The following NGF variants were observed in gnomAD, a reference collection of about 807,000 sequenced individuals.
NGF encodes nerve growth factor.
In NGF, 4 loss-of-function variants were observed where a neutral mutation model predicts 12.8. That is an observed-to-expected ratio of 0.31 (90% CI 0.15 to 0.72). NGF has a LOEUF of 0.72. NGF is among the 30% of genes least tolerant of loss of function. NGF has a pLI of 0.69. For missense variants in NGF, 283 were observed against 330.8 expected, an observed-to-expected ratio of 0.86 and a Z score of 1.12; for synonymous variants, 140 against 130.0, an observed-to-expected ratio of 1.08 and a Z score of -0.52.
intron 1 of NGF, among the ~76,000 whole-genome samples, chr1:115,299,743 T>G (rs760610747): frequency 6.6e-6 from 1 of 152,174 alleles, no homozygotes; most frequent in Non-Finnish European, 1.5e-5. Context: ...TTTTCAAACT[T>G]TTCTGAGACC....
intron 2 of NGF, among the ~76,000 whole-genome samples, chr1:115,291,174 GT>G (rs1292506638): frequency 4.6e-5 from 7 of 151,836 alleles, no homozygotes; most frequent in African/African-American, 9.7e-5. Flanking sequence ...TAGGTTTAAA[GT>G]TTTTTTAAAA....
rs2300692 is a variant in NGF, at chr1:115,292,181, C to T, written c.-13+1446G>A. Among the ~76,000 whole-genome samples, 1,261 of 152,176 alleles carry T rather than the reference C, an allele frequency of 8.3e-3. 119 individuals carry two copies. The East Asian group carries it at 0.19, about 23-fold the overall frequency. On this transcript the variant is annotated intron_variant, in intron 2 of 2. Transcript: ENST00000369512. ...GGAGTGTGGGAGGAATTCTGTGGCT[C>T]CTCATTTCTCCAGCAAGGTACTTCA...
rs761319558 is a variant in NGF, at chr1:115,286,741, C to T, written c.55G>A (p.Glu19Lys). 3.1e-6 allele frequency: 5 copies of T among 1,614,030 alleles called. No homozygotes were observed. In the East Asian group the frequency reaches 1.1e-4, roughly 36 times the overall value. Residue 19 changes from glutamate to lysine, a missense_variant, in exon 3 of 3, where the codon GAA (glutamate) becomes AAA (lysine). Physicochemically the swap from Glu to Lys is moderately conservative, Grantham distance 56. This residue lies in a region of NGF where 151 missense variants were observed against 141.6 expected (regional missense o/e 1.07). Coordinates refer to ENST00000369512, the MANE Select transcript of NGF (RefSeq NM_002506.3). ...ITAFLIGIQA[E>K]PHSESNVPAG... ...GGGACATTGCTCTCTGAGTGTGGTTCCGCCTGTATGCCGATCAGAAAAGCT... is the reference window on the plus strand; with the variant it reads ...GGGACATTGCTCTCTGAGTGTGGTTTCGCCTGTATGCCGATCAGAAAAGCT...
At chr1:115,300,607 C>T (rs1417407906) in intron 1 of NGF, among the ~76,000 whole-genome samples, 1 of 152,234 alleles carries the variant, frequency 6.6e-6, no homozygotes, top group Non-Finnish European at 1.5e-5. Flanking sequence ...GCTGCCATCG[C>T]GTCTTGAGCT....
chr1:115,333,253 C>T (rs769947773), intron 1 of NGF, among the ~76,000 whole-genome samples: 4 of 152,262 alleles, frequency 2.6e-5, no homozygotes, highest in African/African-American at 2.4e-5. Flanking sequence ...ACAAATACTT[C>T]GTGGTTATTG....
At chr1:115,320,840 C>A (rs900229883) in intron 1 of NGF, among the ~76,000 whole-genome samples, 2 of 152,184 alleles carry the variant, frequency 1.3e-5, no homozygotes, top group Admixed American at 6.5e-5. Context: ...GCATCTGCTA[C>A]TTTCTGCTGT....
In NGF at chr1:115,296,523, A is replaced by G. The variant is rs79080872; in HGVS notation, c.-136-2773T>C. ...GGGTGTCTACTATAAGCCAACCACA[A>G]TAGATTCCCTGGCTCTGTATCTGCA... On this transcript the variant is annotated intron_variant, in intron 1 of 2. Coordinates refer to ENST00000369512, the MANE Select transcript of NGF (RefSeq NM_002506.3). 4.4e-3 allele frequency among the ~76,000 whole-genome samples: 668 copies of G among 152,338 alleles called. 2 individuals carry two copies. The highest frequency in any genetic ancestry group is 8.1e-3 in the Non-Finnish European group (550 of 68,036).
chr1:115,302,642 C>G (rs1654073468), intron 1 of NGF, among the ~76,000 whole-genome samples: 1 of 152,238 alleles, frequency 6.6e-6, no homozygotes, highest in East Asian at 1.9e-4. Flanking sequence ...AGGCCTCTGT[C>G]TGTAAAGGAA....
At chr1:115,317,767 T>C (rs910542765) in intron 1 of NGF, among the ~76,000 whole-genome samples, 1 of 152,242 alleles carries the variant, frequency 6.6e-6, no homozygotes, top group Non-Finnish European at 1.5e-5. Flanking sequence ...TTGAAATGCA[T>C]CCCTGCCGCT....
intron 1 of NGF, among the ~76,000 whole-genome samples, chr1:115,304,329 A>ATGTTTTTTTTTTTTTTTT (rs1654135883): frequency 1.2e-5 from 1 of 80,830 alleles, no homozygotes; most frequent in African/African-American, 4.2e-5. Context: ...TGCTTGGCTA[A>ATGTTTTTTTTTTTTTTTT]TTTTTTTTTT....
At chr1:115,303,941 C>T (rs1320100993) in intron 1 of NGF, among the ~76,000 whole-genome samples, 1 of 152,158 alleles carries the variant, frequency 6.6e-6, no homozygotes, top group Admixed American at 6.5e-5. Context: ...ATCAATATTC[C>T]TGATTCCCCA....
chr1:115,333,067 T>C (rs932184297), intron 1 of NGF, among the ~76,000 whole-genome samples: 6 of 152,120 alleles, frequency 3.9e-5, no homozygotes, highest in Non-Finnish European at 8.8e-5. Flanking sequence ...GATGAAGAAC[T>C]GAAGTCAGGA....
rs538947132 is a variant in NGF, at chr1:115,304,309, C to T, written c.-136-10559G>A. The stretch of plus-strand genomic sequence containing the variant: ...TCCTGAGTAGCTGGGATTACAGGAG[C>T]GCACCACCATGCTTGGCTAATTTTT... On this transcript the variant is annotated intron_variant, in intron 1 of 2. Transcript: ENST00000369512. Among the ~76,000 whole-genome samples, 8 of 134,434 alleles carry T rather than the reference C, an allele frequency of 6.0e-5. No homozygotes were observed. In the East Asian group the frequency reaches 6.8e-4, roughly 11 times the overall value. The allele number at this position is 134,434 out of a possible 152,430, so 88.2% of individuals were successfully genotyped here.
At chr1:115,327,868 A>G (rs1342394974) in intron 1 of NGF, among the ~76,000 whole-genome samples, 1 of 152,160 alleles carries the variant, frequency 6.6e-6, no homozygotes, top group Non-Finnish European at 1.5e-5. Context: ...TCTGCTATAA[A>G]TATTATTTGA....
chr1:115,321,759 T>G (rs996569451), intron 1 of NGF, among the ~76,000 whole-genome samples: 8 of 152,160 alleles, frequency 5.3e-5, no homozygotes, highest in African/African-American at 1.9e-4. Context: ...AGCTCTGTAG[T>G]ATTAGATTCA....
At chr1:115,302,491 A>G (rs1312531320) in intron 1 of NGF, among the ~76,000 whole-genome samples, 1 of 152,226 alleles carries the variant, frequency 6.6e-6, no homozygotes, top group Non-Finnish European at 1.5e-5. Flanking sequence ...TTGTTTAGTT[A>G]CAACCCATGA....
In NGF at chr1:115,327,306, C is replaced by T. The variant is rs138927805; in HGVS notation, c.-137+10898G>A. Among the ~76,000 whole-genome samples the T allele has an allele frequency of 3.3e-3, 505 of 152,266 alleles. 12 individuals carry two copies. Among genetic ancestry groups the T allele is most frequent in the Admixed American group, 0.028 (435 of 15,288 alleles). On this transcript the variant is annotated intron_variant, in intron 1 of 2. Transcript: ENST00000369512. ...GAACCTTTGAAACATATTTGTGTTG[C>T]TTTATGAAGCTCTCTGCTTTCTGAC...
At position 115,289,146 on chromosome 1, in the gene NGF, T is replaced by A. The variant is rs1376132462; in HGVS notation, c.-12-2339A>T. Among the ~76,000 whole-genome samples the A allele has an allele frequency of 2.0e-5, 3 of 152,210 alleles. No homozygotes were observed. In the East Asian group the frequency reaches 5.8e-4, roughly 29 times the overall value. ...TGGCTAATGGTCTTGCAGATAAATG[T>A]CCGGTCAACTCTTAGCGGACTGAAT... is the stretch of plus-strand genomic sequence containing the variant. On this transcript the variant is annotated intron_variant, in intron 2 of 2. Transcript: ENST00000369512.
At chr1:115,297,309 G>A (rs897053135) in intron 1 of NGF, among the ~76,000 whole-genome samples, 18 of 152,142 alleles carry the variant, frequency 1.2e-4, no homozygotes, top group African/African-American at 3.6e-4. Flanking sequence ...AGTATCCAGT[G>A]CAAAGACAAA....
Sources: gnomAD v4.1 joint callset for allele counts (sites outside exome capture counted in the v4.1 genomes callset) on GRCh38, gnomAD v4.1.1 for gene constraint, gnomAD v4.1.1 regional missense constraint, MANE v1.5 for transcripts, NCBI Gene and HGNC (gene_info 2026-07-23, HGNC 2026-07-21) for gene names.